ARHGAP23: variants seen among roughly 807,000 people sequenced by gnomAD.
The protein encoded by ARHGAP23 is rho GTPase-activating protein 23.
ARHGAP23 carries 34 observed loss-of-function variants against 136.3 expected under a neutral mutation model. The ratio of observed to expected loss-of-function variants is 0.25; its 90% CI spans 0.19 to 0.33. The LOEUF is 0.33. Ranked by LOEUF, ARHGAP23 falls within the 10% of genes least tolerant of loss-of-function variation. The probability of loss-of-function intolerance (pLI) is 1.00; values close to 1 mark genes in which losing one functional copy is unlikely to be tolerated. For synonymous variants in ARHGAP23, 832 were observed against 920.5 expected, an observed-to-expected ratio of 0.90 and a Z score of 1.74; for missense variants, 1,808 against 2,139.0, an observed-to-expected ratio of 0.85 and a Z score of 3.05.
At chr17:38,452,253 C>G (rs1007916192) in intron 1 of ARHGAP23, 3 of 152,206 alleles carry the variant, frequency 2.0e-5, no homozygotes, top group Admixed American at 2.0e-4. Flanking sequence ...CCTCCCTCTG[C>G]CCCCAGGCCC....
chr17:38,498,613 G>C, intron 22 of ARHGAP23, 103 bp downstream of exon 22: 2 of 1,006,974 alleles, frequency 2.0e-6, no homozygotes, highest in South Asian at 3.4e-5. Flanking sequence ...TGCCACCCCA[G>C]CGGGGCCCTC....
chr17:38,501,447 G>A (rs548658600), intron 23 of ARHGAP23, among the ~76,000 whole-genome samples: 46 of 152,054 alleles, frequency 3.0e-4, no homozygotes, highest in African/African-American at 4.8e-4. Flanking sequence ...GACTACAGGC[G>A]CCCACCATCA....
chr17:38,440,152 G>C (rs181628139), intron 1 of ARHGAP23, among the ~76,000 whole-genome samples: 5 of 152,270 alleles, frequency 3.3e-5, no homozygotes, highest in Admixed American at 2.0e-4. Flanking sequence ...CCGAGTAGCT[G>C]GAACTATAGG....
chr17:38,490,320 C>G, intron 18 of ARHGAP23, 142 bp from the exon 19 acceptor site: 1 of 1,117,330 alleles, frequency 8.9e-7, no homozygotes, highest in Non-Finnish European at 1.3e-6. Flanking sequence ...TTTCCCCGTC[C>G]ATACAAGAGA....
chr17:38,466,511 G>A lies in ARHGAP23; in HGVS notation c.828G>A (p.Arg276=), dbSNP rs1597795597. 2.7e-6 allele frequency: 4 copies of A among 1,484,642 alleles called. No homozygotes were observed. The South Asian group carries it at 5.3e-5, about 20-fold the overall frequency. The allele number at this position is 1,484,642 out of a possible 1,614,324, so 92.0% of individuals were successfully genotyped here. The change falls in exon 7 of 24, where the codon CGG becomes CGA. Residue 276 remains arginine, a synonymous_variant. Transcript: ENST00000622683. ...GTGCCTTCCCAGAGCCTGGCAGCCGGGTGCCCCCCAGCAGACTGGAGTGCC... is the reference window on the plus strand; with the variant it reads ...GTGCCTTCCCAGAGCCTGGCAGCCGAGTGCCCCCCAGCAGACTGGAGTGCC... ...TPRAFPEPGS[R]VPPSRLECQQ...
At chr17:38,458,524 G>T (rs1356101709) in intron 2 of ARHGAP23, among the ~76,000 whole-genome samples, 1 of 152,208 alleles carries the variant, frequency 6.6e-6, no homozygotes, top group Non-Finnish European at 1.5e-5. Flanking sequence ...AGACAGGGAG[G>T]GGTGGCTGGT....
At chr17:38,455,488 C>T (rs926741465) in intron 1 of ARHGAP23, among the ~76,000 whole-genome samples, 1 of 152,178 alleles carries the variant, frequency 6.6e-6, no homozygotes, top group Non-Finnish European at 1.5e-5. Flanking sequence ...TCCATGCAGG[C>T]CCTCCCAGGG....
chr17:38,489,954 G>T (rs1346276894), intron 17 of ARHGAP23, 148 bp from the exon 18 acceptor site: 5 of 696,780 alleles, frequency 7.2e-6, no homozygotes, highest in East Asian at 5.4e-5. Flanking sequence ...TGTGGTGGGT[G>T]TGTTCACATA....
At chr17:38,499,974 A>G (rs1420526382) in intron 22 of ARHGAP23, among the ~76,000 whole-genome samples, 1 of 151,928 alleles carries the variant, frequency 6.6e-6, no homozygotes, top group Non-Finnish European at 1.5e-5. Flanking sequence ...ATAACTGGGG[A>G]CCCTGCCCAT....
rs1353957572 is a variant in ARHGAP23 at position 38,512,348 on chromosome 17, G to GA, written c.*1376_*1377insA. 1 of 152,212 alleles carries GA rather than the reference G, an allele frequency of 6.6e-6. No individual in the cohort carries two copies. The highest frequency in any genetic ancestry group is 1.5e-5 in the Non-Finnish European group (1 of 68,050). The allele number at this position is 152,212 out of a possible 1,614,324, so 9.4% of individuals were successfully genotyped here. Reference sequence around the variant, plus strand: ...GCTTCTGAAAAGTCCTGTCTTAAAAGTACAGTCTATATCTTGGAAATAAAT... The same window carrying GA: ...GCTTCTGAAAAGTCCTGTCTTAAAAGATACAGTCTATATCTTGGAAATAAAT... On this transcript the variant is annotated 3_prime_UTR_variant, in exon 24 of 24. Coordinates refer to ENST00000622683, the MANE Select transcript of ARHGAP23 (RefSeq NM_001199417.2).
At chr17:38,490,271 T>C in intron 18 of ARHGAP23, 96 bp downstream of exon 18, 1 of 1,332,612 alleles carries the variant, frequency 7.5e-7, no homozygotes, top group Non-Finnish European at 1.1e-6. Context: ...CCACGACCCC[T>C]GTGGCCTTGG....
chr17:38,483,212 G>A (rs565872041), intron 16 of ARHGAP23, among the ~76,000 whole-genome samples: 163 of 152,326 alleles, frequency 1.1e-3, no homozygotes, highest in African/African-American at 3.6e-3. Flanking sequence ...AAAGCAGGCT[G>A]TGGCTAGATA....
At chr17:38,490,721 T>C (rs968875731) in intron 19 of ARHGAP23, among the ~76,000 whole-genome samples, 170 bp downstream of exon 19, 1 of 152,166 alleles carries the variant, frequency 6.6e-6, no homozygotes, top group Admixed American at 6.5e-5. Flanking sequence ...TGGTCAGTGC[T>C]TTCCCCCAGA....
intron 1 of ARHGAP23, among the ~76,000 whole-genome samples, chr17:38,432,520 A>T (rs1303323054): frequency 1.3e-5 from 2 of 152,088 alleles, no homozygotes; most frequent in Non-Finnish European, 2.9e-5. Flanking sequence ...TCCCTACTAA[A>T]ATTACAAAAT....
chr17:38,492,019 G>A (rs1240406689), intron 20 of ARHGAP23, among the ~76,000 whole-genome samples: 1 of 152,220 alleles, frequency 6.6e-6, no homozygotes, highest in Admixed American at 6.5e-5. Flanking sequence ...AACAAGGGGT[G>A]GATGGGGCAG....
intron 12 of ARHGAP23, among the ~76,000 whole-genome samples, chr17:38,478,931 C>T (rs1256846280): frequency 6.6e-6 from 1 of 152,172 alleles, no homozygotes; most frequent in Non-Finnish European, 1.5e-5. Context: ...AGTGCATGGC[C>T]TCTTGCTGAG....
At chr17:38,503,069 C>A (rs1374502700) in intron 23 of ARHGAP23, among the ~76,000 whole-genome samples, 4 of 151,974 alleles carry the variant, frequency 2.6e-5, no homozygotes, top group Admixed American at 6.6e-5. Context: ...AACAAACAAA[C>A]AAAAAAAGAC....
At chr17:38,498,712 C>T (rs575594015) in intron 22 of ARHGAP23, among the ~76,000 whole-genome samples, 17 of 152,310 alleles carry the variant, frequency 1.1e-4, no homozygotes, top group Admixed American at 4.6e-4. Flanking sequence ...CTCCTGTCTG[C>T]GCAGCTGCCC....
chr17:38,436,765 A>G (rs1447887418), intron 1 of ARHGAP23, among the ~76,000 whole-genome samples: 1 of 152,194 alleles, frequency 6.6e-6, no homozygotes, highest in Non-Finnish European at 1.5e-5. Flanking sequence ...AAAAATATTA[A>G]TGTAAAAACG....
Sources: allele counts gnomAD v4.1 joint callset (sites outside exome capture counted in the v4.1 genomes callset), GRCh38; gene constraint gnomAD v4.1.1; transcripts MANE v1.5; gene names NCBI Gene and HGNC (gene_info 2026-07-23, HGNC 2026-07-21).